AHCYL2: variants seen among roughly 807,000 people sequenced by gnomAD.
The protein encoded by AHCYL2 is S-adenosylhomocysteine hydrolase-like protein 2.
AHCYL2 carries 28 observed loss-of-function variants against 81.4 expected under a neutral mutation model. That is an observed-to-expected ratio of 0.34 (90% CI 0.25 to 0.47). The LOEUF (loss-of-function observed/expected upper bound fraction) is 0.47. AHCYL2 is among the 20% of genes least tolerant of loss of function. The probability of loss-of-function intolerance (pLI) is 1.00; values close to 1 mark genes in which losing one functional copy is unlikely to be tolerated. For synonymous variants in AHCYL2, 272 were observed against 290.2 expected (o/e 0.94, Z 0.64); for missense variants, 551 against 785.1 (o/e 0.70, Z 3.56).
At chr7:129,309,573 G>T (rs1797572834) in intron 1 of AHCYL2, among the ~76,000 whole-genome samples, 1 of 152,242 alleles carries the variant, frequency 6.6e-6, no homozygotes, top group Non-Finnish European at 1.5e-5. Context: ...AAAATTTATG[G>T]TTACAAATGG....
intron 1 of AHCYL2, among the ~76,000 whole-genome samples, chr7:129,314,215 TCTC>T (rs749715752): frequency 1.4e-4 from 22 of 152,228 alleles, no homozygotes; most frequent in Non-Finnish European, 2.5e-4. Flanking sequence ...TTCCCATAAA[TCTC>T]CTCTCCTCAA....
intron 1 of AHCYL2, among the ~76,000 whole-genome samples, chr7:129,245,867 A>G (rs1351338856): frequency 6.6e-6 from 1 of 152,236 alleles, no homozygotes; most frequent in Non-Finnish European, 1.5e-5. Flanking sequence ...TTGTATACCC[A>G]GAAATGGAAT....
At chr7:129,385,458 T>TA (rs1563225698) in intron 2 of AHCYL2, among the ~76,000 whole-genome samples, 1 of 152,244 alleles carries the variant, frequency 6.6e-6, no homozygotes, top group Non-Finnish European at 1.5e-5. Context: ...AAAATGTGTA[T>TA]ACATGTTCTG....
chr7:129,357,858 C>G (rs1039085090), intron 1 of AHCYL2, among the ~76,000 whole-genome samples: 5 of 150,200 alleles, frequency 3.3e-5, no homozygotes, highest in Admixed American at 2.0e-4. Flanking sequence ...AGCGTGAATC[C>G]AGGAGGTGGA....
chr7:129,375,310 C>T (rs28636722), intron 1 of AHCYL2, among the ~76,000 whole-genome samples: 45,590 of 151,936 alleles, frequency 0.3, 6,975 homozygotes, highest in South Asian at 0.37. Flanking sequence ...GTAGGGCCTG[C>T]CTGAGTACTT....
intron 1 of AHCYL2, among the ~76,000 whole-genome samples, chr7:129,317,936 G>C (rs957070317): frequency 6.6e-6 from 1 of 152,026 alleles, no homozygotes; most frequent in African/African-American, 2.4e-5. Context: ...AATTTTCTGG[G>C]GTATTTTTCA....
At chr7:129,371,402 T>C (rs1388034913) in intron 1 of AHCYL2, among the ~76,000 whole-genome samples, 1 of 152,192 alleles carries the variant, frequency 6.6e-6, no homozygotes, top group Non-Finnish European at 1.5e-5. Flanking sequence ...CATCTCTGAT[T>C]TCCAGCAGGG....
intron 1 of AHCYL2, among the ~76,000 whole-genome samples, chr7:129,322,690 C>G (rs1444266213): frequency 1.3e-5 from 2 of 152,264 alleles, no homozygotes; most frequent in East Asian, 3.9e-4. Flanking sequence ...CTCCTGGGCT[C>G]AAGCCATCCT....
chr7:129,330,769 A>AT (rs1197041352), intron 1 of AHCYL2, among the ~76,000 whole-genome samples: 1 of 152,206 alleles, frequency 6.6e-6, no homozygotes, highest in African/African-American at 2.4e-5. Context: ...CCTCTGGTAC[A>AT]TTTTTTAAAA....
At chr7:129,275,434 C>G (rs1323336305) in intron 1 of AHCYL2, among the ~76,000 whole-genome samples, 2 of 151,978 alleles carry the variant, frequency 1.3e-5, no homozygotes, top group Non-Finnish European at 2.9e-5. Flanking sequence ...ATAACTGGAA[C>G]ATTGCCAAAC....
intron 1 of AHCYL2, among the ~76,000 whole-genome samples, chr7:129,373,430 C>T (rs1237169584): frequency 6.6e-6 from 1 of 151,350 alleles, no homozygotes; most frequent in Non-Finnish European, 1.5e-5. Context: ...AAAAACAAAA[C>T]AAAACAAAAA....
At chr7:129,319,146 G>A (rs1294723339) in intron 1 of AHCYL2, among the ~76,000 whole-genome samples, 1 of 152,046 alleles carries the variant, frequency 6.6e-6, no homozygotes, top group African/African-American at 2.4e-5. Flanking sequence ...AAATACAAAT[G>A]TCACTTAAAC....
Position 129,368,323 on chromosome 7 carries a change from G to T in AHCYL2, c.364-11315G>T. The T allele has an allele frequency of 6.9e-7, 1 of 1,448,452 alleles. No homozygotes were observed. The highest frequency in any genetic ancestry group is 9.1e-7 in the Non-Finnish European group (1 of 1,100,460). 89.7% of individuals were successfully genotyped at this position (1,448,452 alleles called of 1,614,324 possible). On this transcript the variant is annotated intron_variant, in intron 1 of 16. Transcript: ENST00000325006. This position sits in a 1 kb window ranked among gnomAD's most constrained non-coding sequence, Gnocchi z 4.4. ...AGGGGTTGTCAGGCAGTTGACTAATGCTCTTGATTTGAATCGGAGGCTGCT... is the reference window on the plus strand; with the variant it reads ...AGGGGTTGTCAGGCAGTTGACTAATTCTCTTGATTTGAATCGGAGGCTGCT...
chr7:129,389,859 A>G (rs1054326093), intron 4 of AHCYL2, 125 bp downstream of exon 4: 12 of 673,346 alleles, frequency 1.8e-5, no homozygotes, highest in South Asian at 2.6e-5. Context: ...AATCCTTATA[A>G]TGGCCATATA....
At chr7:129,258,489 A>G (rs1036943036) in intron 1 of AHCYL2, among the ~76,000 whole-genome samples, 11 of 151,860 alleles carry the variant, frequency 7.2e-5, no homozygotes, top group African/African-American at 1.9e-4. Flanking sequence ...TGGAATGCCA[A>G]TAGTTGGAAT....
chr7:129,271,854 T>C (rs1055302349), intron 1 of AHCYL2, among the ~76,000 whole-genome samples: 3 of 152,226 alleles, frequency 2.0e-5, no homozygotes, highest in Non-Finnish European at 4.4e-5. Flanking sequence ...ATTACACTTA[T>C]TGAAACAAAG....
chr7:129,282,144 A>C (rs1796467875), intron 1 of AHCYL2, among the ~76,000 whole-genome samples: 1 of 152,190 alleles, frequency 6.6e-6, no homozygotes, highest in Non-Finnish European at 1.5e-5. Flanking sequence ...TTATGGCCTC[A>C]AATATGGCTT....
intron 1 of AHCYL2, among the ~76,000 whole-genome samples, chr7:129,359,314 T>G (rs1793852074): frequency 6.6e-6 from 1 of 152,050 alleles, no homozygotes; most frequent in South Asian, 2.1e-4. Flanking sequence ...GTGACAAGAG[T>G]CAGGACAGAG....
intron 1 of AHCYL2, among the ~76,000 whole-genome samples, chr7:129,328,521 G>A (rs1168169185): frequency 1.3e-5 from 2 of 151,184 alleles, no homozygotes; most frequent in Non-Finnish European, 2.9e-5. Context: ...GTCTCACTCT[G>A]TTGCCCAGAC....
Sources: gnomAD v4.1 joint callset for allele counts (sites outside exome capture counted in the v4.1 genomes callset) on GRCh38, gnomAD v4.1.1 for gene constraint, Gnocchi (gnomAD v3.1) non-coding constraint, MANE v1.5 for transcripts, NCBI Gene and HGNC (gene_info 2026-07-23, HGNC 2026-07-21) for gene names.